The following PDE7A variants were observed in gnomAD, a reference collection of about 807,000 sequenced individuals.
PDE7A encodes phosphodiesterase 7A.
Under a neutral mutation model 64.3 loss-of-function variants are expected in PDE7A, and 39 were observed. That is an observed-to-expected ratio of 0.61 (90% CI 0.47 to 0.79). The LOEUF (loss-of-function observed/expected upper bound fraction) is 0.79, where lower values mean the gene tolerates loss of function less well. Among genes scored for constraint, PDE7A ranks in the 30% least tolerant of loss-of-function variants. PDE7A has a pLI of 0.00. For missense variants in PDE7A, 470 were observed against 582.8 expected (o/e 0.81, Z 1.99); for synonymous variants, 203 against 206.8 (o/e 0.98, Z 0.16).
intron 1 of PDE7A, among the ~76,000 whole-genome samples, chr8:65,803,068 T>A (rs537098071): frequency 4.6e-5 from 7 of 152,358 alleles, no homozygotes; most frequent in Non-Finnish European, 8.8e-5. Flanking sequence ...GCCAGCACCA[T>A]GCTTCCTATA....
intron 1 of PDE7A, among the ~76,000 whole-genome samples, chr8:65,804,727 C>T (rs893830438): frequency 6.6e-6 from 1 of 151,934 alleles, no homozygotes; most frequent in Non-Finnish European, 1.5e-5. Context: ...TTAGTAGAGA[C>T]AGGGTTTCAC....
chr8:65,779,874 A>G lies in PDE7A; in HGVS notation c.200-71T>C. ...CGGGAAGAAGCTTCCATATGCAACA[A>G]AGGTCCGTGTGGTATCATATTCATA... On this transcript the variant is annotated intron_variant, in intron 2 of 12. Transcript: ENST00000401827. The G allele has an allele frequency of 3.3e-6, 3 of 910,848 alleles. No individual in the cohort carries two copies. The East Asian group carries it at 7.6e-5, about 23-fold the overall frequency. The allele number at this position is 910,848 out of a possible 1,614,324, so 56.4% of individuals were successfully genotyped here.
intron 1 of PDE7A, among the ~76,000 whole-genome samples, chr8:65,783,750 TAA>T (rs1347229708): frequency 6.6e-6 from 1 of 152,194 alleles, no homozygotes; most frequent in Non-Finnish European, 1.5e-5. Flanking sequence ...AAGTTCTAAA[TAA>T]AAATTTGGTA....
rs558483145 is a variant in PDE7A, at chr8:65,820,134, G to A, written c.138+21237C>T. ...TACATGGCCAGGTGTGATGGCTCAC[G>A]CCTGTCATCCCAACACGTTGGGAGG... On this transcript the variant is annotated intron_variant, in intron 1 of 12. Transcript: ENST00000401827. Among the ~76,000 whole-genome samples, 12 of 152,320 alleles carry A rather than the reference G, an allele frequency of 7.9e-5. No individual in the cohort carries two copies. In the South Asian group the frequency reaches 1.0e-3, roughly 13 times the overall value.
At chr8:65,826,973 G>A (rs1373082248) in intron 1 of PDE7A, among the ~76,000 whole-genome samples, 1 of 152,124 alleles carries the variant, frequency 6.6e-6, no homozygotes, top group Non-Finnish European at 1.5e-5. Context: ...GAGTGTGTCT[G>A]AGTTTCTGGG....
intron 1 of PDE7A, chr8:65,838,434 T>C (rs541378178): frequency 1.8e-4 from 28 of 152,356 alleles, no homozygotes; most frequent in Non-Finnish European, 3.2e-4. Context: ...TGAAATAGTA[T>C]ACATCCTAGT....
intron 1 of PDE7A, among the ~76,000 whole-genome samples, chr8:65,839,188 A>G (rs115449275): frequency 4.9e-4 from 75 of 151,998 alleles, no homozygotes; most frequent in African/African-American, 1.8e-3. Context: ...TTTAAAGTAC[A>G]AAAACTGTAA....
chr8:65,833,378 T>C (rs74747466), intron 1 of PDE7A, among the ~76,000 whole-genome samples: 2,484 of 152,330 alleles, frequency 0.016, 65 homozygotes, highest in African/African-American at 0.056. Flanking sequence ...AAGATCAGAA[T>C]GAAAGTTATT....
At chr8:65,758,677 G>C (rs117800427) in intron 3 of PDE7A, among the ~76,000 whole-genome samples, 2 of 152,138 alleles carry the variant, frequency 1.3e-5, no homozygotes, top group African/African-American at 4.8e-5. Flanking sequence ...CTCTGAAGAG[G>C]TTATCTCTCT....
chr8:65,788,432 G>C (rs1809616836), intron 1 of PDE7A, among the ~76,000 whole-genome samples: 1 of 152,084 alleles, frequency 6.6e-6, no homozygotes. Flanking sequence ...GACCTTAGGA[G>C]AAAACATGAT....
intron 1 of PDE7A, chr8:65,788,935 T>C: frequency 6.2e-7 from 1 of 1,613,020 alleles, no homozygotes; most frequent in Non-Finnish European, 8.5e-7. Context: ...ATCAATGTAA[T>C]TCCCATTGGA....
intron 3 of PDE7A, among the ~76,000 whole-genome samples, chr8:65,775,090 A>G (rs7837458): frequency 0.01 from 1,564 of 152,318 alleles, 18 homozygotes; most frequent in African/African-American, 0.033. Context: ...TTTGGGGTCA[A>G]GCAAAATAGT....
intron 12 of PDE7A, among the ~76,000 whole-genome samples, chr8:65,721,264 G>T (rs1349678606): frequency 6.6e-6 from 1 of 152,126 alleles, no homozygotes; most frequent in Non-Finnish European, 1.5e-5. Context: ...CTCTTATCCA[G>T]TACATATTTT....
intron 7 of PDE7A, chr8:65,728,532 GAGA>G (rs1404468159): frequency 2.0e-5 from 3 of 152,086 alleles, no homozygotes; most frequent in Admixed American, 6.6e-5. Flanking sequence ...CAATGAATAG[GAGA>G]AGATGAAGAA....
intron 1 of PDE7A, among the ~76,000 whole-genome samples, chr8:65,799,129 T>C (rs1809928666): frequency 6.6e-6 from 1 of 152,136 alleles, no homozygotes; most frequent in South Asian, 2.1e-4. Flanking sequence ...AAAAGAACTT[T>C]TTGGAGTGAC....
At chr8:65,785,794 C>G (rs1312942208) in intron 1 of PDE7A, among the ~76,000 whole-genome samples, 3 of 151,772 alleles carry the variant, frequency 2.0e-5, no homozygotes, top group African/African-American at 7.3e-5. Context: ...GGTGTTATCT[C>G]TAACAGTTCT....
chr8:65,773,176 T>G (rs1310741426), intron 3 of PDE7A, among the ~76,000 whole-genome samples: 1 of 152,180 alleles, frequency 6.6e-6, no homozygotes, highest in East Asian at 1.9e-4. Context: ...TTAGATCACA[T>G]TTCACAAAAC....
chr8:65,789,973 G>A (rs2128925774), intron 1 of PDE7A, among the ~76,000 whole-genome samples: 1 of 152,326 alleles, frequency 6.6e-6, no homozygotes, highest in African/African-American at 2.4e-5. Context: ...CGATGAAGCA[G>A]ACGTAGGAAA....
At chr8:65,735,502 G>C (rs1323759049) in intron 6 of PDE7A, among the ~76,000 whole-genome samples, 2 of 152,088 alleles carry the variant, frequency 1.3e-5, no homozygotes, top group Non-Finnish European at 1.5e-5. Context: ...ATAAAGACAG[G>C]ATCTTGCCAT....
Sources: gnomAD v4.1 joint callset for allele counts (sites outside exome capture counted in the v4.1 genomes callset) on GRCh38, gnomAD v4.1.1 for gene constraint, MANE v1.5 for transcripts, NCBI Gene and HGNC (gene_info 2026-07-23, HGNC 2026-07-21) for gene names.